Variants in POLN observed in about 807,000 individuals in gnomAD.
POLN encodes DNA polymerase N.
POLN carries 108 observed loss-of-function variants against 113.5 expected under a neutral mutation model. The observed-to-expected ratio is 0.95, with a 90% CI of 0.81 to 1.12. The LOEUF is 1.12. Among genes scored for constraint, POLN ranks in the 50% most tolerant of loss-of-function variants. POLN has a pLI of 0.00. For missense variants in POLN, 1,097 were observed against 1,077.1 expected (o/e 1.02, Z -0.26); for synonymous variants, 386 against 391.5 (o/e 0.99, Z 0.17).
In POLN at chr4:2,163,566, G is replaced by A. The variant is rs73079299; in HGVS notation, c.1555-4355C>T. 5.0e-3 allele frequency among the ~76,000 whole-genome samples: 762 copies of A among 152,310 alleles called. 7 individuals carry two copies. Among genetic ancestry groups the A allele is most frequent in the African/African-American group, 0.018 (731 of 41,560 alleles). ...CCTCCCTTCTCACTCATTTCCCGCTGGTGCCTCTTCTCTCACTGACCTTTA... is the reference window on the plus strand; with the variant it reads ...CCTCCCTTCTCACTCATTTCCCGCTAGTGCCTCTTCTCTCACTGACCTTTA... On this transcript the variant is annotated intron_variant, in intron 13 of 25. Coordinates refer to ENST00000511885, the MANE Select transcript of POLN (RefSeq NM_181808.4).
intron 13 of POLN, among the ~76,000 whole-genome samples, chr4:2,166,744 C>T (rs1274964440): frequency 1.3e-5 from 2 of 152,132 alleles, no homozygotes; most frequent in African/African-American, 2.4e-5. Flanking sequence ...GACTCTAGTA[C>T]ACACACTGGC....
chr4:2,185,465 G>A (rs772001676), intron 7 of POLN, among the ~76,000 whole-genome samples: 1 of 152,246 alleles, frequency 6.6e-6, no homozygotes, highest in Admixed American at 6.5e-5. Context: ...AGCACACCTG[G>A]CTGGGCGCGG....
intron 13 of POLN, among the ~76,000 whole-genome samples, chr4:2,169,785 G>A (rs981799787): frequency 2.0e-5 from 3 of 152,194 alleles, no homozygotes; most frequent in South Asian, 2.1e-4. Flanking sequence ...GAAGGAGGAC[G>A]GGCCCTTCAC....
intron 5 of POLN, among the ~76,000 whole-genome samples, chr4:2,205,245 TG>T (rs748634005): frequency 2.6e-5 from 4 of 152,246 alleles, no homozygotes; most frequent in Non-Finnish European, 5.9e-5. Flanking sequence ...GCCAAGTTTC[TG>T]GATACAAAAT....
intron 19 of POLN, among the ~76,000 whole-genome samples, chr4:2,100,079 AAAAAAAG>A (rs1354293924): frequency 6.6e-6 from 1 of 150,532 alleles, no homozygotes; most frequent in East Asian, 1.9e-4. Flanking sequence ...CAAAAAAGAA[AAAAAAAG>A]AAAAAGAAAA....
intron 19 of POLN, among the ~76,000 whole-genome samples, chr4:2,120,104 T>C (rs938374570): frequency 3.9e-5 from 6 of 152,206 alleles, no homozygotes; most frequent in African/African-American, 1.4e-4. Context: ...TTCTGTTCCA[T>C]TGATCAGAAG....
chr4:2,174,597 C>T (rs543173341), intron 10 of POLN, 94 bp downstream of exon 10: 2 of 1,055,898 alleles, frequency 1.9e-6, no homozygotes, highest in South Asian at 1.3e-5. Flanking sequence ...GATATACTAT[C>T]TACTCCTAAG....
chr4:2,212,045 C>T (rs1042526719), intron 4 of POLN, among the ~76,000 whole-genome samples: 1 of 152,058 alleles, frequency 6.6e-6, no homozygotes, highest in African/African-American at 2.4e-5. Context: ...AATAATCATC[C>T]CATCAACCCA....
chr4:2,173,926 A>C (rs1409810749), intron 11 of POLN, 29 bp downstream of exon 11: 1 of 1,599,448 alleles, frequency 6.3e-7, no homozygotes, highest in Admixed American at 1.7e-5. Flanking sequence ...AGAGATGGCC[A>C]GTACAAACCA....
chr4:2,140,104 A>T (rs1322545716), intron 16 of POLN: 1 of 152,070 alleles, frequency 6.6e-6, no homozygotes, highest in African/African-American at 2.4e-5. Context: ...TTTGAGACAG[A>T]GTCTCACTCT....
At chr4:2,072,510 G>A (rs565104405) in intron 25 of POLN, among the ~76,000 whole-genome samples, 20 of 152,310 alleles carry the variant, frequency 1.3e-4, no homozygotes, top group Admixed American at 1.2e-3. Context: ...TCCCAGTCAC[G>A]ACACCTCGAT....
At chr4:2,170,476 T>C (rs1474618725) in intron 13 of POLN, among the ~76,000 whole-genome samples, 1 of 152,226 alleles carries the variant, frequency 6.6e-6, no homozygotes, top group African/African-American at 2.4e-5. Flanking sequence ...AATTAACTGC[T>C]TCTGCAAAAG....
At chr4:2,234,701 A>G (rs919194355) in intron 2 of POLN, among the ~76,000 whole-genome samples, 3 of 152,218 alleles carry the variant, frequency 2.0e-5, no homozygotes, top group Non-Finnish European at 4.4e-5. Flanking sequence ...GAATATTAAT[A>G]TTAGACAAAA....
chr4:2,215,624 CAGGG>C lies in POLN; in HGVS notation c.134-2502_134-2499del, dbSNP rs1734095555. 2.6e-5 allele frequency among the ~76,000 whole-genome samples: 4 copies of C among 152,262 alleles called. No homozygotes were observed. The South Asian group carries it at 8.3e-4, about 32-fold the overall frequency. ...AAGAAGTTCTTTGCAGCCAGGCAAT[CAGGG>C]AGGGGCTGTCCCAGGAGCAGGGACA... On this transcript the variant is annotated intron_variant, in intron 3 of 25. Coordinates refer to ENST00000511885, the MANE Select transcript of POLN (RefSeq NM_181808.4).
At chr4:2,198,746 C>T (rs1436104274) in intron 5 of POLN, 29 bp from the exon 6 acceptor site, 3 of 1,549,636 alleles carry the variant, frequency 1.9e-6, no homozygotes, top group Non-Finnish European at 1.8e-6. Flanking sequence ...ATAAATTAAA[C>T]CCAGACAACA....
Position 2,156,807 on chromosome 4 carries a change from CTTCCAGTCACAG to C in POLN, c.1700_1711del (p.Thr567_Gly570del). 1 of 1,613,234 alleles carries C rather than the reference CTTCCAGTCACAG, an allele frequency of 6.2e-7. No individual in the cohort carries two copies. Among genetic ancestry groups the C allele is most frequent in the Non-Finnish European group, 8.5e-7 (1 of 1,179,144 alleles). Reference sequence around the variant, plus strand: ...ACTTACAGGATGCTTGGCTGAAAGTCTTCCAGTCACAGTTCCAGTCTGATTCCATGTAGAGGA... The same window carrying C: ...ACTTACAGGATGCTTGGCTGAAAGTCTTCCAGTCTGATTCCATGTAGAGGA... On this transcript the variant is annotated inframe_deletion, in exon 16 of 26. Coordinates refer to ENST00000511885, the MANE Select transcript of POLN (RefSeq NM_181808.4).
At position 2,179,334 on chromosome 4, in the gene POLN, A is replaced by G; in HGVS notation, c.1153T>C (p.Tyr385His). The G allele has an allele frequency of 6.2e-7, 1 of 1,612,994 alleles. No homozygotes were observed. Among genetic ancestry groups the G allele is most frequent in the South Asian group, 1.1e-5 (1 of 90,946 alleles). The change falls in exon 8 of 26, where the codon TAT (tyrosine) becomes CAT (histidine). Residue 385 changes from tyrosine to histidine, a missense_variant. Tyr to His is a moderately conservative substitution (Grantham distance 83). Transcript: ENST00000511885. ...KSITVKVNSTYGNSSRNIVNQ... is the reference protein window; with the variant it reads ...KSITVKVNSTHGNSSRNIVNQ... ...ACAATATTTCTTGAGGAATTTCCAT[A>G]TGTGCTGTTCACTTTAACTGTAATG...
In POLN at chr4:2,075,494, G is replaced by A. The variant is rs1730253652; in HGVS notation, c.2413C>T (p.Leu805=). ...ARLVAQIHDE[L]LFEVEDPQIP... ...TGCGGATCTTCCACTTCAAACAGCA[G>A]CTCATCATGGATCTGGGCCACCAGC... is the stretch of plus-strand genomic sequence containing the variant. Residue 805 remains leucine (L), a synonymous_variant, in exon 24 of 26, where the codon CTG becomes TTG. Coordinates refer to ENST00000511885, the MANE Select transcript of POLN (RefSeq NM_181808.4). 6.2e-7 allele frequency: 1 copy of A among 1,613,412 alleles called. No individual in the cohort carries two copies. The highest frequency in any genetic ancestry group is 1.3e-5 in the African/African-American group (1 of 74,958).
At chr4:2,157,103 C>A (rs1432961780) in intron 15 of POLN, among the ~76,000 whole-genome samples, 1 of 152,182 alleles carries the variant, frequency 6.6e-6, no homozygotes, top group Non-Finnish European at 1.5e-5. Flanking sequence ...ATGTCACTTA[C>A]AAATCCCATG....
Sources: allele counts gnomAD v4.1 joint callset (sites outside exome capture counted in the v4.1 genomes callset), GRCh38; gene constraint gnomAD v4.1.1; transcripts MANE v1.5; gene names NCBI Gene and HGNC (gene_info 2026-07-23, HGNC 2026-07-21).